SPA17: variants seen among roughly 807,000 people sequenced by gnomAD.
The protein encoded by SPA17 is sperm autoantigenic protein 17, also known as sperm surface protein Sp17.
In SPA17, 7 loss-of-function variants were observed where a neutral mutation model predicts 13.8. The observed-to-expected ratio is 0.51, with a 90% CI of 0.29 to 0.95. SPA17 has a LOEUF of 0.95. Among genes scored for constraint, SPA17 ranks in the 40% least tolerant of loss-of-function variants. SPA17 has a pLI of 0.08. For synonymous variants in SPA17, 61 were observed against 59.0 expected (o/e 1.03, Z -0.16); for missense variants, 170 against 179.3 (o/e 0.95, Z 0.30).
chr11:124,688,107 G>C (rs1372801505), intron 3 of SPA17, among the ~76,000 whole-genome samples: 1 of 152,182 alleles, frequency 6.6e-6, no homozygotes, highest in Non-Finnish European at 1.5e-5. Context: ...TTGGCCTACT[G>C]TGCTCAAGGG....
At chr11:124,691,325 A>G (rs1321428960) in intron 3 of SPA17, among the ~76,000 whole-genome samples, 9 of 152,152 alleles carry the variant, frequency 5.9e-5, no homozygotes, top group Non-Finnish European at 1.3e-4. Flanking sequence ...TTTTATTCCT[A>G]TTTTAGAAAC....
intron 2 of SPA17, chr11:124,675,745 G>C (rs1017836814): frequency 1.0e-5 from 2 of 200,414 alleles, no homozygotes; most frequent in Non-Finnish European, 1.0e-5. Context: ...GTCTACCCTC[G>C]CCACGTTCCA....
intron 4 of SPA17, among the ~76,000 whole-genome samples, chr11:124,693,485 C>CAT (rs142153211): frequency 0.11 from 16,964 of 147,844 alleles, 1,095 homozygotes; most frequent in African/African-American, 0.19. Flanking sequence ...AATAAAAAGA[C>CAT]ATATATATAT....
intron 2 of SPA17, among the ~76,000 whole-genome samples, chr11:124,678,542 G>GTGTGTT (rs1340507366): frequency 1.3e-5 from 2 of 151,840 alleles, no homozygotes. Flanking sequence ...GTGTGTGTGT[G>GTGTGTT]TGTGTGTTTG....
chr11:124,675,888 A>G (rs1014546941), intron 2 of SPA17: 1 of 154,610 alleles, frequency 6.5e-6, no homozygotes, highest in Admixed American at 6.4e-5. Context: ...CACTCTTTAA[A>G]TAAACTGATA....
At chr11:124,679,630 A>G (rs534672257) in intron 2 of SPA17, among the ~76,000 whole-genome samples, 3 of 152,348 alleles carry the variant, frequency 2.0e-5, no homozygotes, top group South Asian at 4.1e-4. Context: ...ACCCAATACC[A>G]GTGAGCACCC....
intron 3 of SPA17, among the ~76,000 whole-genome samples, chr11:124,691,149 G>A (rs1222259666): frequency 1.3e-5 from 2 of 152,116 alleles, no homozygotes; most frequent in Non-Finnish European, 2.9e-5. Context: ...AGCAATGAAG[G>A]AAGACTTAAA....
At chr11:124,690,392 C>T (rs1325507570) in intron 3 of SPA17, among the ~76,000 whole-genome samples, 1 of 152,062 alleles carries the variant, frequency 6.6e-6, no homozygotes, top group Non-Finnish European at 1.5e-5. Context: ...TGTTTTCATT[C>T]ATAAGTGGGT....
chr11:124,681,481 G>A (rs1352165126), intron 3 of SPA17, 22 bp downstream of exon 3: 1 of 1,529,028 alleles, frequency 6.5e-7, no homozygotes, highest in Non-Finnish European at 8.8e-7. Flanking sequence ...TGAAGCTGTT[G>A]GATTTGGCTA....
At chr11:124,679,421 C>T (rs1327931548) in intron 2 of SPA17, among the ~76,000 whole-genome samples, 1 of 151,788 alleles carries the variant, frequency 6.6e-6, no homozygotes, top group Non-Finnish European at 1.5e-5. Context: ...AGCAAGTAAG[C>T]AACTAAGCTA....
chr11:124,687,092 AAAAG>A (rs1943584606), intron 3 of SPA17, among the ~76,000 whole-genome samples: 1 of 152,194 alleles, frequency 6.6e-6, no homozygotes, highest in Non-Finnish European at 1.5e-5. Flanking sequence ...TCAGAAATGA[AAAAG>A]AAGACGTTAC....
intron 1 of SPA17, 198 bp from the exon 2 acceptor site, chr11:124,675,040 G>T (rs1042728103): frequency 4.9e-6 from 2 of 406,770 alleles, no homozygotes; most frequent in Middle Eastern, 6.7e-4. Context: ...CTAGTGAATG[G>T]GTCTGTGTTT....
intron 2 of SPA17, among the ~76,000 whole-genome samples, chr11:124,678,412 A>T (rs1943494735): frequency 6.6e-6 from 1 of 151,848 alleles, no homozygotes; most frequent in South Asian, 2.1e-4. Context: ...TCAAGTGATG[A>T]TCCTCCTGCC....
At chr11:124,690,125 G>A (rs1943612043) in intron 3 of SPA17, among the ~76,000 whole-genome samples, 1 of 152,094 alleles carries the variant, frequency 6.6e-6, no homozygotes, top group Non-Finnish European at 1.5e-5. Context: ...TCTACCCAAG[G>A]GAAAATAAAT....
At chr11:124,691,890 T>G (rs1288703358) in intron 4 of SPA17, 108 bp downstream of exon 4, 1 of 612,596 alleles carries the variant, frequency 1.6e-6, no homozygotes, top group East Asian at 3.2e-5. Context: ...GTCAAAATTA[T>G]GACTTTACTT....
Position 124,694,321 on chromosome 11 carries a change from A to G in SPA17, c.331A>G (p.Lys111Glu), listed in dbSNP as rs757413903. 1.2e-6 allele frequency: 2 copies of G among 1,613,846 alleles called. No individual in the cohort carries two copies. Among genetic ancestry groups the G allele is most frequent in the Non-Finnish European group, 1.7e-6 (2 of 1,179,958 alleles). ...GATGAAGGACTCTTCTGAGGAAGAT[A>G]AGGAAAAAGAAGAGGTTGCTGCTGT... ...VTILDSSEED[K>E]EKEEVAAVKI... Residue 111 changes from lysine (K) to glutamate (E), a missense_variant, in exon 5 of 5, where the codon AAG becomes GAG. Transcript: ENST00000227135.
intron 2 of SPA17, among the ~76,000 whole-genome samples, chr11:124,677,592 T>C (rs1335997902): frequency 6.6e-6 from 1 of 152,180 alleles, no homozygotes; most frequent in East Asian, 1.9e-4. Context: ...GCTAGCTAAA[T>C]TGCTTTAATT....
chr11:124,676,694 A>G (rs1050883781), intron 2 of SPA17, among the ~76,000 whole-genome samples: 4 of 152,250 alleles, frequency 2.6e-5, no homozygotes, highest in African/African-American at 9.6e-5. Context: ...TAGAAGAGGA[A>G]CGTTATTAAG....
rs930979757 is a variant in SPA17 at position 124,687,316 on chromosome 11, C to A, written c.226-4380C>A. On this transcript the variant is annotated intron_variant, in intron 3 of 4. Transcript: ENST00000227135. ...AAAATCTCCCCCACCCCAACACCAC[C>A]AAAAAAAAAGCCCAGGACTGGATGG... 5.3e-5 allele frequency among the ~76,000 whole-genome samples: 8 copies of A among 150,206 alleles called. No individual in the cohort carries two copies. The East Asian group carries it at 1.2e-3, about 22-fold the overall frequency.
Sources: gnomAD v4.1 joint callset for allele counts (sites outside exome capture counted in the v4.1 genomes callset) on GRCh38, gnomAD v4.1.1 for gene constraint, MANE v1.5 for transcripts, NCBI Gene and HGNC (gene_info 2026-07-23, HGNC 2026-07-21) for gene names.